Variants in THSD7B observed in about 807,000 individuals in gnomAD.
THSD7B encodes the protein thrombospondin type 1 domain containing 7B.
A neutral mutation model predicts 213.6 loss-of-function variants in THSD7B; 138 were observed. That is an observed-to-expected ratio of 0.65 (90% CI 0.56 to 0.74). The LOEUF is 0.74. Ranked by LOEUF, THSD7B falls within the 30% of genes least tolerant of loss-of-function variation. The probability of loss-of-function intolerance (pLI) is 0.00; values close to 1 mark genes in which losing one functional copy is unlikely to be tolerated. For synonymous variants in THSD7B, 742 were observed against 687.0 expected (o/e 1.08, Z -1.25); for missense variants, 1,931 against 1,991.5 (o/e 0.97, Z 0.58).
At position 137,274,897 on chromosome 2, in the gene THSD7B, T is replaced by C. The variant is rs145388492; in HGVS notation, c.2397-1026T>C. On this transcript the variant is annotated intron_variant, in intron 11 of 27. Coordinates refer to ENST00000409968, the MANE Select transcript of THSD7B (RefSeq NM_001316349.2). The stretch of plus-strand genomic sequence containing the variant: ...TGTTTAGCTGTTTCCTGATTTTTTT[T>C]CCCCAACTCTTCAGCTATTCCCATT... Among the ~76,000 whole-genome samples the C allele has an allele frequency of 3.8e-3, 577 of 152,208 alleles. 6 individuals carry two copies. The highest frequency in any genetic ancestry group is 0.012 in the African/African-American group (511 of 41,562).
At chr2:137,400,551 G>C (rs189878137) in intron 12 of THSD7B, among the ~76,000 whole-genome samples, 2 of 152,158 alleles carry the variant, frequency 1.3e-5, no homozygotes, top group African/African-American at 4.8e-5. Flanking sequence ...GGTACACTGG[G>C]TGGATGAGCA....
chr2:137,541,188 T>A (rs1680603282), intron 15 of THSD7B, among the ~76,000 whole-genome samples: 1 of 151,302 alleles, frequency 6.6e-6, no homozygotes, highest in African/African-American at 2.4e-5. Context: ...ACTAAACAAA[T>A]AACAATAACA....
intron 10 of THSD7B, among the ~76,000 whole-genome samples, chr2:137,252,444 G>A (rs369280948): frequency 6.6e-5 from 10 of 152,184 alleles, no homozygotes; most frequent in African/African-American, 2.4e-4. Flanking sequence ...TGGGATTATA[G>A]GCATGAGCCA....
intron 12 of THSD7B, among the ~76,000 whole-genome samples, chr2:137,296,100 A>G (rs545595784): frequency 1.0e-3 from 152 of 152,100 alleles, no homozygotes; most frequent in Non-Finnish European, 2.0e-3. Flanking sequence ...AAAACAATCC[A>G]TTTGTGTTGA....
intron 12 of THSD7B, among the ~76,000 whole-genome samples, chr2:137,295,564 C>A (rs975160859): frequency 2.6e-5 from 4 of 151,112 alleles, no homozygotes; most frequent in African/African-American, 9.8e-5. Flanking sequence ...CAACCTCCTA[C>A]TCCCTGGTTC....
At chr2:137,486,729 T>C (rs1427062238) in intron 15 of THSD7B, among the ~76,000 whole-genome samples, 1 of 152,110 alleles carries the variant, frequency 6.6e-6, no homozygotes, top group Non-Finnish European at 1.5e-5. Flanking sequence ...CCAAAATTGA[T>C]CACATAGTTG....
intron 21 of THSD7B, among the ~76,000 whole-genome samples, chr2:137,649,327 C>T (rs1365563978): frequency 6.6e-6 from 1 of 151,844 alleles, no homozygotes; most frequent in African/African-American, 2.4e-5. Flanking sequence ...ATATCTGACA[C>T]AAAAGAAAAA....
chr2:136,875,034 C>A (rs913751713), intron 1 of THSD7B, among the ~76,000 whole-genome samples: 13 of 152,074 alleles, frequency 8.5e-5, no homozygotes, highest in African/African-American at 3.1e-4. Flanking sequence ...AAAAATGACT[C>A]CCAATACTTT....
At chr2:137,517,323 G>A (rs896964336) in intron 15 of THSD7B, among the ~76,000 whole-genome samples, 1 of 152,230 alleles carries the variant, frequency 6.6e-6, no homozygotes, top group African/African-American at 2.4e-5. Flanking sequence ...ATTGGATCCA[G>A]TGAGCAAGAA....
intron 5 of THSD7B, among the ~76,000 whole-genome samples, chr2:137,139,606 C>T (rs937763202): frequency 2.0e-5 from 3 of 152,140 alleles, no homozygotes; most frequent in African/African-American, 7.2e-5. Flanking sequence ...ATCTTAAACT[C>T]TCCACACCAA....
At chr2:137,590,792 GTTTTTT>G (rs1215185747) in intron 17 of THSD7B, among the ~76,000 whole-genome samples, 2 of 88,716 alleles carry the variant, frequency 2.3e-5, no homozygotes, top group Non-Finnish European at 4.6e-5. Context: ...CTTTGAAATA[GTTTTTT>G]TTTTTTTTTT....
chr2:137,503,595 G>A (rs1679761193), intron 15 of THSD7B, among the ~76,000 whole-genome samples: 1 of 152,150 alleles, frequency 6.6e-6, no homozygotes, highest in African/African-American at 2.4e-5. Context: ...ACAGGCATTG[G>A]TGCAAAACAG....
chr2:137,049,603 C>T (rs1366451806), intron 2 of THSD7B, among the ~76,000 whole-genome samples: 2 of 141,766 alleles, frequency 1.4e-5, no homozygotes, highest in African/African-American at 6.3e-5. Flanking sequence ...TTTCTGATTG[C>T]TGTCTGAGGG....
At chr2:136,827,156 G>T (rs979938867) in intron 1 of THSD7B, among the ~76,000 whole-genome samples, 1 of 152,144 alleles carries the variant, frequency 6.6e-6, no homozygotes, top group African/African-American at 2.4e-5. Context: ...GGTTTCTCTG[G>T]CAGTGTTAGG....
At chr2:137,005,286 G>A (rs1412897456) in intron 2 of THSD7B, among the ~76,000 whole-genome samples, 1 of 152,218 alleles carries the variant, frequency 6.6e-6, no homozygotes, top group African/African-American at 2.4e-5. Context: ...GAAAGGTTCT[G>A]AAATCTGCCA....
intron 5 of THSD7B, among the ~76,000 whole-genome samples, chr2:137,122,303 G>T (rs916676333): frequency 6.6e-6 from 1 of 152,102 alleles, no homozygotes; most frequent in African/African-American, 2.4e-5. Flanking sequence ...AATGAAACAA[G>T]AACCTTAAGA....
intron 2 of THSD7B, among the ~76,000 whole-genome samples, chr2:136,972,747 C>T (rs1685424059): frequency 6.6e-6 from 1 of 152,110 alleles, no homozygotes; most frequent in African/African-American, 2.4e-5. Flanking sequence ...TAAAATGGTG[C>T]TTCTCAATGT....
At chr2:137,331,874 G>C (rs1051860333) in intron 12 of THSD7B, among the ~76,000 whole-genome samples, 3 of 152,076 alleles carry the variant, frequency 2.0e-5, no homozygotes, top group Admixed American at 1.3e-4. Context: ...CATTGCCCGG[G>C]GCCGGCGGGG....
chr2:137,576,150 C>T (rs1202693481), intron 17 of THSD7B, among the ~76,000 whole-genome samples: 1 of 152,078 alleles, frequency 6.6e-6, no homozygotes, highest in Non-Finnish European at 1.5e-5. Flanking sequence ...CCAATCCTTA[C>T]TGAAATTTTC....
Sources: allele counts gnomAD v4.1 joint callset (sites outside exome capture counted in the v4.1 genomes callset), GRCh38; gene constraint gnomAD v4.1.1; transcripts MANE v1.5; gene names NCBI Gene and HGNC (gene_info 2026-07-23, HGNC 2026-07-21).